The following ICE1 variants were observed in gnomAD, a reference collection of about 807,000 sequenced individuals.
ICE1 encodes interactor of little elongation complex ELL subunit 1.
Under a neutral mutation model 192.7 loss-of-function variants are expected in ICE1, and 64 were observed. The ratio of observed to expected loss-of-function variants is 0.33; its 90% confidence interval spans 0.27 to 0.41. The LOEUF (loss-of-function observed/expected upper bound fraction) is 0.41. ICE1 is among the 10% of genes least tolerant of loss of function. The pLI is 1.00. For missense variants in ICE1, 2,708 were observed against 2,696.0 expected (o/e 1.00, Z -0.10); for synonymous variants, 1,010 against 984.5 (o/e 1.03, Z -0.49).
At chr5:5,486,135 C>T (rs113774831) in intron 17 of ICE1, among the ~76,000 whole-genome samples, 11 of 152,288 alleles carry the variant, frequency 7.2e-5, no homozygotes, top group South Asian at 4.1e-4. Context: ...CTTAGGGGTC[C>T]AGGTTTAGTG....
chr5:5,470,587 G>A (rs974712613), intron 15 of ICE1, among the ~76,000 whole-genome samples: 7 of 152,064 alleles, frequency 4.6e-5, no homozygotes, highest in African/African-American at 1.4e-4. Context: ...CAAAAATGAG[G>A]ACATAGTACA....
At chr5:5,427,486 A>G (rs981077991) in intron 1 of ICE1, among the ~76,000 whole-genome samples, 1 of 152,170 alleles carries the variant, frequency 6.6e-6, no homozygotes, top group Non-Finnish European at 1.5e-5. Context: ...TCTCCTGGGG[A>G]TCCAGATGAG....
chr5:5,479,478 C>T (rs1022415396), intron 17 of ICE1, among the ~76,000 whole-genome samples: 3 of 152,172 alleles, frequency 2.0e-5, no homozygotes, highest in Non-Finnish European at 4.4e-5. Context: ...AATAGGAATG[C>T]TTCTACACTG....
intron 1 of ICE1, among the ~76,000 whole-genome samples, chr5:5,435,203 T>G (rs1447380576): frequency 6.6e-6 from 1 of 152,242 alleles, no homozygotes; most frequent in Non-Finnish European, 1.5e-5. Flanking sequence ...AAGTTGAAAG[T>G]TAAAAACACG....
intron 10 of ICE1, among the ~76,000 whole-genome samples, chr5:5,450,829 C>T (rs560417696): frequency 3.3e-5 from 5 of 152,084 alleles, no homozygotes; most frequent in African/African-American, 1.2e-4. Flanking sequence ...GAGTGTGAAA[C>T]GATGTCAAGC....
chr5:5,439,984 GAGC>G lies in ICE1; in HGVS notation c.197+74_197+76del. On this transcript the variant is annotated intron_variant, in intron 4 of 18. Coordinates refer to ENST00000296564, the MANE Select transcript of ICE1 (RefSeq NM_015325.3). Reference sequence around the variant, plus strand: ...GTTGATCTGAGATAGACATTTATTGGAGCAGATTTTTAAGCAGCTTTGAGCAAA... The same window carrying G: ...GTTGATCTGAGATAGACATTTATTGGAGATTTTTAAGCAGCTTTGAGCAAA... The G allele has an allele frequency of 2.7e-6, 3 of 1,112,912 alleles. No homozygotes were observed. In the South Asian group the frequency reaches 5.1e-5, roughly 19 times the overall value. 68.9% of individuals were successfully genotyped at this position (1,112,912 alleles called of 1,614,324 possible).
intron 14 of ICE1, 52 bp downstream of exon 14, chr5:5,466,554 C>T (rs1044670761): frequency 4.7e-5 from 67 of 1,432,582 alleles, no homozygotes; most frequent in Non-Finnish European, 5.8e-5. Flanking sequence ...TTGCCTTTTT[C>T]CCTTATACTG....
chr5:5,486,850 A>G (rs1241190836), intron 18 of ICE1, 31 bp downstream of exon 18: 12 of 1,503,532 alleles, frequency 8.0e-6, no homozygotes, highest in Non-Finnish European at 1.0e-5. Context: ...AATTACTTTT[A>G]AGTAACTTGT....
intron 15 of ICE1, among the ~76,000 whole-genome samples, chr5:5,473,299 G>A (rs1368828148): frequency 6.6e-6 from 1 of 152,086 alleles, no homozygotes; most frequent in Non-Finnish European, 1.5e-5. Flanking sequence ...TTTCCTATCT[G>A]GATTACAGGT....
chr5:5,437,329 TTGA>T (rs1342943295), intron 3 of ICE1: 2 of 434,010 alleles, frequency 4.6e-6, no homozygotes, highest in African/African-American at 4.0e-5. Flanking sequence ...ACTTTTCTTG[TTGA>T]TTGTGATTTT....
rs184404230 is a variant in ICE1 at position 5,488,759 on chromosome 5, A to G, written c.6620-390A>G. On this transcript the variant is annotated intron_variant, in intron 18 of 18. Transcript: ENST00000296564. ...TAAATGCTTCCCGTGGATATCTCAT[A>G]GAGTCATATGTTTAATGAAGGTTTT... Among the ~76,000 whole-genome samples the G allele has an allele frequency of 4.3e-3, 661 of 152,312 alleles. 6 individuals carry two copies. The highest frequency in any genetic ancestry group is 6.8e-3 in the Middle Eastern group (2 of 294).
chr5:5,446,466 A>AT (rs375100758), intron 7 of ICE1, among the ~76,000 whole-genome samples: 177 of 147,876 alleles, frequency 1.2e-3, no homozygotes, highest in African/African-American at 4.2e-3. Context: ...ATTTCGACTA[A>AT]TTTTTGTAGA....
chr5:5,480,301 G>A (rs7713294), intron 17 of ICE1, among the ~76,000 whole-genome samples: 7,297 of 146,126 alleles, frequency 0.05, 594 homozygotes, highest in East Asian at 0.34. Context: ...CCAGGCTGGA[G>A]TGCAGTGGCA....
At chr5:5,444,236 T>C in intron 6 of ICE1, 53 bp from the exon 7 acceptor site, 2 of 1,209,798 alleles carry the variant, frequency 1.7e-6, no homozygotes, top group Non-Finnish European at 2.4e-6. Context: ...ATAAGGCATA[T>C]TTTTTCCTAT....
chr5:5,471,741 C>A (rs1413559898), intron 15 of ICE1, among the ~76,000 whole-genome samples: 1 of 152,094 alleles, frequency 6.6e-6, no homozygotes, highest in East Asian at 1.9e-4. Context: ...AACAAGAAAT[C>A]AGTAGTATTG....
intron 15 of ICE1, 104 bp from the exon 16 acceptor site, chr5:5,473,454 A>T: frequency 1.0e-6 from 1 of 954,798 alleles, no homozygotes; most frequent in Non-Finnish European, 1.5e-6. Flanking sequence ...ATTTCAGATT[A>T]AATGATTAGT....
At position 5,463,474 on chromosome 5, in the gene ICE1, A is replaced by G. The variant is rs1212241885; in HGVS notation, c.4140A>G (p.Pro1380=). The G allele has an allele frequency of 1.2e-6, 2 of 1,612,916 alleles. No individual in the cohort carries two copies. Among genetic ancestry groups the G allele is most frequent in the East Asian group, 2.2e-5 (1 of 44,876 alleles). The change falls in exon 13 of 19, where the codon CCA becomes CCG. Residue 1380 remains proline (P), a synonymous_variant. Coordinates refer to ENST00000296564, the MANE Select transcript of ICE1 (RefSeq NM_015325.3). ...TGTGCTCTGACTCTGTGATGGAGCC[A>G]TCCATAGAGCAAAGTTCTAACTGCG... ...SALCSDSVME[P]SIEQSSNCEA...
rs1738738419 is a variant in ICE1, at chr5:5,460,579, A to G, written c.1245A>G (p.Thr415=). 2 of 1,612,974 alleles carry G rather than the reference A, an allele frequency of 1.2e-6. No homozygotes were observed. The highest frequency in any genetic ancestry group is 1.7e-5 in the Admixed American group (1 of 59,852). The change falls in exon 13 of 19, where the codon ACA becomes ACG. Residue 415 remains threonine, a synonymous_variant. Coordinates refer to ENST00000296564, the MANE Select transcript of ICE1 (RefSeq NM_015325.3). Reference sequence around the variant, plus strand: ...TGAGAAAAAATAAAGGAAGTGGCACATGGGAGGAAAAGCCCAAATCACATG... The same window carrying G: ...TGAGAAAAAATAAAGGAAGTGGCACGTGGGAGGAAAAGCCCAAATCACATG... ...GSLRKNKGSG[T]WEEKPKSHEA...
chr5:5,488,110 G>T (rs1739679301), intron 18 of ICE1, among the ~76,000 whole-genome samples: 1 of 152,106 alleles, frequency 6.6e-6, no homozygotes, highest in South Asian at 2.1e-4. Flanking sequence ...TTGAGTCATG[G>T]CCTTACTGTG....
Sources: allele counts gnomAD v4.1 joint callset (sites outside exome capture counted in the v4.1 genomes callset), GRCh38; gene constraint gnomAD v4.1.1; transcripts MANE v1.5; gene names NCBI Gene and HGNC (gene_info 2026-07-23, HGNC 2026-07-21).